CCDC57: variants seen among roughly 807,000 people sequenced by gnomAD.
CCDC57 encodes coiled-coil domain containing 57, also known as coiled-coil domain-containing protein 57.
CCDC57 carries 118 observed loss-of-function variants against 118.9 expected under a neutral mutation model. The ratio of observed to expected loss-of-function variants is 0.99; its 90% confidence interval spans 0.86 to 1.16. The LOEUF (loss-of-function observed/expected upper bound fraction) is 1.16. CCDC57 is among the 50% of genes most tolerant of loss of function. CCDC57 has a pLI of 0.00. For synonymous variants in CCDC57, 527 were observed against 532.9 expected, an observed-to-expected ratio of 0.99 and a Z score of 0.15; for missense variants, 1,300 against 1,320.7, an observed-to-expected ratio of 0.98 and a Z score of 0.24.
intron 15 of CCDC57, chr17:82,154,436 T>G (rs1598978556): frequency 6.6e-6 from 1 of 152,366 alleles, no homozygotes; most frequent in African/African-American, 2.4e-5. Flanking sequence ...CTACAGGAGG[T>G]AGGCTGGAGA....
intron 19 of CCDC57, chr17:82,113,713 G>T: frequency 1.4e-6 from 1 of 710,876 alleles, no homozygotes; most frequent in South Asian, 1.5e-5. Context: ...CGGCAGGACT[G>T]CTTGAGCCCA....
chr17:82,187,662 C>T (rs1407655322), intron 8 of CCDC57, among the ~76,000 whole-genome samples: 1 of 50,084 alleles, frequency 2.0e-5, no homozygotes, highest in Non-Finnish European at 3.7e-5. Context: ...CAGGGCTCGG[C>T]GCGGGGGAAG....
At chr17:82,148,892 T>TTAGATGGATGGATGGA (rs1330358382) in intron 16 of CCDC57, among the ~76,000 whole-genome samples, 2 of 58,304 alleles carry the variant, frequency 3.4e-5, no homozygotes, top group Non-Finnish European at 6.2e-5. Flanking sequence ...GGTTGGATGG[T>TTAGATGGATGGATGGA]TGGATGGATG....
In CCDC57 at chr17:82,179,157, CT is replaced by C; in HGVS notation, c.1243del (p.Arg415GlyfsTer34). ...CTGATCACGCTCCAGGCTCCGCTCC[CT>C]TTCCACTGCCAGGGACAGCTGTTGC... is the stretch of plus-strand genomic sequence containing the variant. On this transcript the variant is annotated frameshift_variant, in exon 10 of 20. Transcript: ENST00000665763. LOFTEE classifies it high-confidence loss of function. 6.2e-7 allele frequency: 1 copy of C among 1,613,962 alleles called. No individual in the cohort carries two copies. The highest frequency in any genetic ancestry group is 1.1e-5 in the South Asian group (1 of 91,086).
intron 19 of CCDC57, chr17:82,127,348 G>A (rs62078304): frequency 4.2e-4 from 83 of 196,996 alleles, no homozygotes; most frequent in Middle Eastern, 2.8e-3. Flanking sequence ...GTCTCACCTG[G>A]GCTCCATTCT....
intron 3 of CCDC57, among the ~76,000 whole-genome samples, chr17:82,199,374 A>T (rs564826460): frequency 6.6e-6 from 1 of 151,596 alleles, no homozygotes; most frequent in African/African-American, 2.4e-5. Context: ...GCTCCTCGGG[A>T]GGCTGAGGCA....
intron 3 of CCDC57, among the ~76,000 whole-genome samples, chr17:82,201,315 C>G (rs1208782353): frequency 6.6e-6 from 1 of 152,206 alleles, no homozygotes; most frequent in Non-Finnish European, 1.5e-5. Context: ...CAGAAAAAGA[C>G]AGTCAGGGCA....
chr17:82,172,993 C>T lies in CCDC57; in HGVS notation c.1507-133G>A, dbSNP rs2044959500. 2 of 742,584 alleles carry T rather than the reference C, an allele frequency of 2.7e-6. No homozygotes were observed. Among genetic ancestry groups the T allele is most frequent in the Admixed American group, 2.1e-5 (1 of 46,606 alleles). 46.0% of individuals were successfully genotyped at this position (742,584 alleles called of 1,614,324 possible). ...CTTCAGCTTGGGCTGTGGTCCCTCC[C>T]CATCCCCAGGCTGTGATGCCCCTCC... is the stretch of plus-strand genomic sequence containing the variant. On this transcript the variant is annotated intron_variant, in intron 11 of 19. Transcript: ENST00000665763. The surrounding 1 kb of genome is among the most constrained non-coding windows in gnomAD (Gnocchi z 5.2).
At chr17:82,188,278 G>A in exon 8 of CCDC57, 2 of 1,580,998 alleles carry the variant, frequency 1.3e-6, no homozygotes, top group Non-Finnish European at 8.6e-7. Context: ...CTGCCCTGCG[G>A]AGCTGCGCCT....
intron 9 of CCDC57, among the ~76,000 whole-genome samples, chr17:82,181,557 C>A (rs2046212573): frequency 6.6e-6 from 1 of 152,124 alleles, no homozygotes; most frequent in African/African-American, 2.4e-5. Context: ...TGAAAACTTA[C>A]CAGATGGGCA....
rs571795540 is a variant in CCDC57 at position 82,196,852 on chromosome 17, G to A, written c.516+1462C>T. Among the ~76,000 whole-genome samples the A allele has an allele frequency of 3.7e-3, 473 of 129,252 alleles. 6 individuals are homozygous for A. The highest frequency in any genetic ancestry group is 0.014 in the African/African-American group (444 of 32,858). 84.8% of individuals were successfully genotyped at this position (129,252 alleles called of 152,430 possible). On this transcript the variant is annotated intron_variant, in intron 4 of 19. Coordinates refer to ENST00000665763, the Ensembl canonical transcript of CCDC57. ...TGCACCTGCAGAGACGCAGCCCCTC[G>A]TGACTCCTGCAGAGACGCAGCCCCT...
At chr17:82,138,942 C>G (rs1030704419) in intron 16 of CCDC57, among the ~76,000 whole-genome samples, 1 of 152,210 alleles carries the variant, frequency 6.6e-6, no homozygotes, top group East Asian at 1.9e-4. Context: ...CTGTGCATCT[C>G]TGATGCCCAG....
chr17:82,163,093 A>G, intron 14 of CCDC57, 107 bp downstream of exon 13: 1 of 1,376,050 alleles, frequency 7.3e-7, no homozygotes, highest in Non-Finnish European at 1.0e-6. Flanking sequence ...AGGTCAGTGG[A>G]TGCCCGAGGT....
At chr17:82,121,144 A>G (rs1015805554) in intron 19 of CCDC57, among the ~76,000 whole-genome samples, 5 of 152,206 alleles carry the variant, frequency 3.3e-5, no homozygotes, top group Non-Finnish European at 7.4e-5. Context: ...CCAGCTACTC[A>G]GGAGGCTGGG....
chr17:82,188,563 A>G (rs754613843), intron 7 of CCDC57, 144 bp from the exon 7 acceptor site: 2 of 823,148 alleles, frequency 2.4e-6, no homozygotes, highest in Admixed American at 2.9e-5. Context: ...CCACCTGGCC[A>G]CCTGTTCCTC....
At chr17:82,109,165 A>C (rs2035073038) in intron 19 of CCDC57, among the ~76,000 whole-genome samples, 1 of 152,208 alleles carries the variant, frequency 6.6e-6, no homozygotes, top group Admixed American at 6.5e-5. Context: ...GAAGGAGGAG[A>C]AAGAGCTCAG....
chr17:82,177,842 T>G (rs1343708321), intron 11 of CCDC57, among the ~76,000 whole-genome samples: 1 of 152,180 alleles, frequency 6.6e-6, no homozygotes, highest in Non-Finnish European at 1.5e-5. Context: ...TTCTACTGTG[T>G]GTACAATAGC....
At chr17:82,186,462 C>T (rs915162102) in intron 8 of CCDC57, among the ~76,000 whole-genome samples, 11 of 152,134 alleles carry the variant, frequency 7.2e-5, no homozygotes, top group Admixed American at 3.3e-4. Context: ...GAGGTCGCCC[C>T]GCACACCGAC....
chr17:82,152,667 GC>G (rs1256588425), intron 15 of CCDC57, among the ~76,000 whole-genome samples: 1 of 152,242 alleles, frequency 6.6e-6, no homozygotes, highest in Non-Finnish European at 1.5e-5. Flanking sequence ...CTTCTCCCGT[GC>G]CACTCCTGGC....
Sources: gnomAD v4.1 joint callset for allele counts (sites outside exome capture counted in the v4.1 genomes callset) on GRCh38, gnomAD v4.1.1 for gene constraint, Gnocchi (gnomAD v3.1) non-coding constraint, MANE v1.5 for transcripts, NCBI Gene and HGNC (gene_info 2026-07-23, HGNC 2026-07-21) for gene names.